Variants in TRIM2 observed in about 807,000 individuals in gnomAD.
TRIM2 encodes tripartite motif containing 2, also known as tripartite motif-containing protein 2.
In TRIM2, 20 loss-of-function variants were observed where a neutral mutation model predicts 75.2. The observed-to-expected ratio is 0.27, with a 90% CI of 0.19 to 0.39. The LOEUF (loss-of-function observed/expected upper bound fraction) is 0.39. Among genes scored for constraint, TRIM2 ranks in the 10% least tolerant of loss-of-function variants. The probability of loss-of-function intolerance (pLI) is 1.00; values close to 1 mark genes in which losing one functional copy is unlikely to be tolerated. For synonymous variants in TRIM2, 373 were observed against 388.3 expected (o/e 0.96, Z 0.46); for missense variants, 660 against 990.8 (o/e 0.67, Z 4.48).
At chr4:153,244,727 A>G (rs77006384) in intron 1 of TRIM2, among the ~76,000 whole-genome samples, 3,481 of 152,242 alleles carry the variant, frequency 0.023, 105 homozygotes, top group East Asian at 0.08. Flanking sequence ...CCTGCAAATA[A>G]TTGGATATGA....
At chr4:153,182,312 G>T (rs1392383300) in intron 1 of TRIM2, among the ~76,000 whole-genome samples, 1 of 152,186 alleles carries the variant, frequency 6.6e-6, no homozygotes, top group African/African-American at 2.4e-5. Context: ...AGAGACTGGG[G>T]TCCAACCAGG....
chr4:153,225,973 C>G (rs917456646), intron 1 of TRIM2, among the ~76,000 whole-genome samples: 1 of 152,204 alleles, frequency 6.6e-6, no homozygotes, highest in African/African-American at 2.4e-5. Flanking sequence ...TGGGCTCAAG[C>G]TATTCTCCCA....
chr4:153,210,706 C>T (rs77349018), intron 1 of TRIM2, among the ~76,000 whole-genome samples: 10,737 of 152,138 alleles, frequency 0.071, 572 homozygotes, highest in South Asian at 0.21. Context: ...GAAATGTGGC[C>T]CCTTTAAATA....
chr4:153,245,085 A>G (rs1748765859), intron 1 of TRIM2, among the ~76,000 whole-genome samples: 1 of 152,234 alleles, frequency 6.6e-6, no homozygotes, highest in South Asian at 2.1e-4. Flanking sequence ...CACAGCACTG[A>G]GAAGCAAAGT....
At chr4:153,274,233 A>G (rs182876597) in intron 2 of TRIM2, among the ~76,000 whole-genome samples, 1 of 152,328 alleles carries the variant, frequency 6.6e-6, no homozygotes, top group East Asian at 1.9e-4. Context: ...GATAATTGTT[A>G]GAGGGTACAA....
intron 1 of TRIM2, among the ~76,000 whole-genome samples, chr4:153,224,085 G>A (rs942786898): frequency 1.3e-5 from 2 of 152,126 alleles, no homozygotes; most frequent in Non-Finnish European, 2.9e-5. Flanking sequence ...CCAGCTCCAC[G>A]TGACCTTTCC....
At chr4:153,332,829 G>A (rs1361612299) in intron 11 of TRIM2, among the ~76,000 whole-genome samples, 1 of 152,146 alleles carries the variant, frequency 6.6e-6, no homozygotes, top group African/African-American at 2.4e-5. Flanking sequence ...CCAAATGCTG[G>A]AGAGCATGTA....
intron 1 of TRIM2, among the ~76,000 whole-genome samples, chr4:153,228,003 C>A (rs1418858042): frequency 6.6e-6 from 1 of 152,116 alleles, no homozygotes; most frequent in African/African-American, 2.4e-5. Context: ...AAATAATTAC[C>A]ATGTTAGTCC....
At chr4:153,331,477 A>G (rs1296097446) in intron 11 of TRIM2, among the ~76,000 whole-genome samples, 2 of 152,206 alleles carry the variant, frequency 1.3e-5, no homozygotes, top group Non-Finnish European at 2.9e-5. Context: ...GAAAACTATA[A>G]AATGCTGGCA....
At chr4:153,152,376 G>A (rs945513687), upstream of TRIM2, 6 of 145,836 alleles carry the variant, frequency 4.1e-5, no homozygotes, top group Non-Finnish European at 9.0e-5. Context: ...CGTGCGCTCG[G>A]GATCAGTCTT....
intron 1 of TRIM2, among the ~76,000 whole-genome samples, chr4:153,225,935 A>G (rs2149782725): frequency 6.6e-6 from 1 of 152,338 alleles, no homozygotes; most frequent in African/African-American, 2.4e-5. Flanking sequence ...CAGTGGCACA[A>G]TCATGGTTCA....
At position 153,312,809 on chromosome 4, in the gene TRIM2, AC is replaced by A. The variant is rs377370458; in HGVS notation, c.1511-2673del. ...ACAGCAAAGTTTTTATTCTTAAGAG[AC>A]CCTGGCTTGTCCATACCACCTTTGA... On this transcript the variant is annotated intron_variant, in intron 6 of 11. Coordinates refer to ENST00000338700, the MANE Select transcript of TRIM2 (RefSeq NM_015271.5). Among the ~76,000 whole-genome samples, 810 of 152,178 alleles carry A rather than the reference AC, an allele frequency of 5.3e-3. 17 individuals carry two copies. The highest frequency in any genetic ancestry group is 0.019 in the African/African-American group (773 of 41,478).
At chr4:153,158,065 G>A (rs937752339) in intron 1 of TRIM2, among the ~76,000 whole-genome samples, 7 of 152,108 alleles carry the variant, frequency 4.6e-5, no homozygotes, top group South Asian at 2.1e-4. Flanking sequence ...TAGTTTACCC[G>A]GTTGCCTCTC....
chr4:153,243,203 C>T (rs540775805), intron 1 of TRIM2, among the ~76,000 whole-genome samples: 27 of 152,360 alleles, frequency 1.8e-4, no homozygotes, highest in Admixed American at 2.6e-4. Flanking sequence ...GGTGGAGCCC[C>T]CAAGCTTCCT....
chr4:153,308,022 A>T (rs1765409820), intron 6 of TRIM2: 9 of 769,712 alleles, frequency 1.2e-5, no homozygotes, highest in East Asian at 2.5e-5. Flanking sequence ...GTCTCCTTTA[A>T]CCTCTTTCTT....
At chr4:153,257,847 C>T (rs968203721) in intron 1 of TRIM2, 1 of 341,178 alleles carries the variant, frequency 2.9e-6, no homozygotes, top group African/African-American at 2.1e-5. Flanking sequence ...TCTTTTTTCT[C>T]CCTTCATCTC....
intron 6 of TRIM2, among the ~76,000 whole-genome samples, chr4:153,309,372 T>A (rs933290984): frequency 5.9e-5 from 9 of 152,240 alleles, no homozygotes; most frequent in Non-Finnish European, 1.3e-4. Context: ...ATAATGTTTG[T>A]CCTGCTATCT....
At chr4:153,315,351 G>T (rs1767362413) in intron 6 of TRIM2, 134 bp from the exon 7 acceptor site, 2 of 632,320 alleles carry the variant, frequency 3.2e-6, no homozygotes, top group Admixed American at 3.4e-5. Context: ...GGGAGGGAGG[G>T]TGCCCTTTTT....
chr4:153,284,696 A>G (rs1337038394), intron 3 of TRIM2, among the ~76,000 whole-genome samples: 2 of 152,228 alleles, frequency 1.3e-5, no homozygotes, highest in Non-Finnish European at 2.9e-5. Flanking sequence ...ATGATTAACA[A>G]TGTGGATCAT....
Sources: gnomAD v4.1 joint callset for allele counts (sites outside exome capture counted in the v4.1 genomes callset) on GRCh38, gnomAD v4.1.1 for gene constraint, MANE v1.5 for transcripts, NCBI Gene and HGNC (gene_info 2026-07-23, HGNC 2026-07-21) for gene names.